ZBBX: variants seen among roughly 807,000 people sequenced by gnomAD.
ZBBX encodes the protein zinc finger B-box domain-containing protein 1.
ZBBX carries 101 observed loss-of-function variants against 108.5 expected under a neutral mutation model. The observed-to-expected ratio is 0.93, with a 90% CI of 0.79 to 1.10. The LOEUF (loss-of-function observed/expected upper bound fraction) is 1.10, where lower values mean the gene tolerates loss of function less well. ZBBX is among the 50% of genes least tolerant of loss of function. The pLI, the probability that ZBBX is intolerant of heterozygous loss-of-function variation, is 0.00. For synonymous variants in ZBBX, 356 were observed against 323.4 expected (o/e 1.10, Z -1.08); for missense variants, 1,009 against 941.4 (o/e 1.07, Z -0.94).
chr3:167,340,119 C>T (rs1740290800), intron 9 of ZBBX, among the ~76,000 whole-genome samples: 2 of 152,014 alleles, frequency 1.3e-5, no homozygotes, highest in Admixed American at 1.3e-4. Context: ...GATTATTTTG[C>T]CAGGATATTT....
At chr3:167,381,628 A>G (rs77653397), upstream of ZBBX, among the ~76,000 whole-genome samples, 2,856 of 152,166 alleles carry the variant, frequency 0.019, 98 homozygotes, top group African/African-American at 0.065. Context: ...TGCACAGACT[A>G]TTTCCCATAC....
At chr3:167,212,223 A>T in the ZBBX span, among the ~76,000 whole-genome samples, 1 of 152,152 alleles carries the variant, frequency 6.6e-6, no homozygotes, top group African/African-American at 2.4e-5. Context: ...GGTGGTCCCA[A>T]GCATACCACA....
At chr3:167,285,016 G>A (rs571349821) in intron 19 of ZBBX, among the ~76,000 whole-genome samples, 29 of 151,976 alleles carry the variant, frequency 1.9e-4, no homozygotes, top group Admixed American at 3.9e-4. Context: ...AGTTACTTTT[G>A]GAGTAACATG....
intron 18 of ZBBX, among the ~76,000 whole-genome samples, chr3:167,294,921 C>A (rs1306794893): frequency 6.6e-6 from 1 of 152,012 alleles, no homozygotes; most frequent in East Asian, 1.9e-4. Flanking sequence ...ATTTATGCAG[C>A]CAACAAACAA....
At chr3:167,297,682 A>T (rs1040809883) in intron 18 of ZBBX, among the ~76,000 whole-genome samples, 1 of 152,062 alleles carries the variant, frequency 6.6e-6, no homozygotes. Flanking sequence ...CTATAACTCA[A>T]CAATGAAAAA....
intron 1 of ZBBX, among the ~76,000 whole-genome samples, chr3:167,404,478 T>C (rs1388008421): frequency 6.6e-6 from 1 of 152,062 alleles, no homozygotes; most frequent in Non-Finnish European, 1.5e-5. Context: ...GAAGATTTTA[T>C]TTGGGTGATG....
chr3:167,265,928 C>G (rs1318889970), intron 20 of ZBBX, among the ~76,000 whole-genome samples: 2 of 152,220 alleles, frequency 1.3e-5, no homozygotes, highest in African/African-American at 4.8e-5. Context: ...CCAGAGAGCA[C>G]AGATTCTCTC....
At chr3:167,236,774 C>T (rs1182980848), downstream of ZBBX, among the ~76,000 whole-genome samples, 1 of 151,762 alleles carries the variant, frequency 6.6e-6, no homozygotes, top group Non-Finnish European at 1.5e-5. Flanking sequence ...CAATATGGAA[C>T]ATGATCTATA....
At chr3:167,330,871 G>GAAGAAGAAGAAGAAGAAGGAGAAGA (rs1553820669) in intron 10 of ZBBX, among the ~76,000 whole-genome samples, 1 of 43,916 alleles carries the variant, frequency 2.3e-5, no homozygotes, top group Non-Finnish European at 4.5e-5. Flanking sequence ...GGAGGAGGAG[G>GAAGAAGAAGAAGAAGAAGGAGAAGA]AGAAGAAGAA....
At chr3:167,178,646 T>C in the ZBBX span, among the ~76,000 whole-genome samples, 2 of 152,130 alleles carry the variant, frequency 1.3e-5, no homozygotes, top group Non-Finnish European at 2.9e-5. Flanking sequence ...TGGCTGCTGA[T>C]AAGGTCCTGG....
the ZBBX span, among the ~76,000 whole-genome samples, chr3:167,221,031 A>G: frequency 6.6e-6 from 1 of 151,932 alleles, no homozygotes; most frequent in Non-Finnish European, 1.5e-5. Context: ...CACAATGAAA[A>G]CTATAAAATA....
At chr3:167,264,813 C>A (rs73042089) in intron 20 of ZBBX, among the ~76,000 whole-genome samples, 1,962 of 152,348 alleles carry the variant, frequency 0.013, 47 homozygotes, top group African/African-American at 0.045. Context: ...TCCCACTCTT[C>A]TCTTCCCTTT....
chr3:167,313,867 G>A, intron 16 of ZBBX, 107 bp downstream of exon 16: 3 of 1,008,882 alleles, frequency 3.0e-6, no homozygotes, highest in Non-Finnish European at 4.1e-6. Context: ...TTAGTACTGA[G>A]GTTTTTTTGG....
At chr3:167,287,346 T>G (rs1729889474) in intron 19 of ZBBX, among the ~76,000 whole-genome samples, 1 of 152,114 alleles carries the variant, frequency 6.6e-6, no homozygotes, top group South Asian at 2.1e-4. Flanking sequence ...GTTGTTGTTG[T>G]TCAGAAAATA....
intron 19 of ZBBX, among the ~76,000 whole-genome samples, chr3:167,287,158 G>C (rs888318130): frequency 6.6e-6 from 1 of 151,868 alleles, no homozygotes; most frequent in Non-Finnish European, 1.5e-5. Context: ...TAGCTGATAG[G>C]ACATATTATC....
At chr3:167,233,060 G>A in the ZBBX span, among the ~76,000 whole-genome samples, 5 of 151,546 alleles carry the variant, frequency 3.3e-5, no homozygotes, top group African/African-American at 1.2e-4. Flanking sequence ...ACCTCCCTTT[G>A]AGTCCCTTCC....
intron 20 of ZBBX, among the ~76,000 whole-genome samples, chr3:167,267,914 C>T (rs959885974): frequency 2.6e-5 from 4 of 151,968 alleles, no homozygotes; most frequent in African/African-American, 9.7e-5. Flanking sequence ...TGCTGCTGCC[C>T]TGGATCCTGC....
chr3:167,298,154 T>C, intron 18 of ZBBX, 151 bp downstream of exon 18: 2 of 506,144 alleles, frequency 4.0e-6, no homozygotes, highest in Non-Finnish European at 6.4e-6. Context: ...CACATTCTGA[T>C]AGTAACCTTA....
At chr3:167,248,735 C>G (rs532469016) in intron 20 of ZBBX, 1 of 439,578 alleles carries the variant, frequency 2.3e-6, no homozygotes, top group African/African-American at 2.0e-5. Flanking sequence ...ACCAACTAAA[C>G]CCCCCACCTC....
Sources: gnomAD v4.1 joint callset for allele counts (sites outside exome capture counted in the v4.1 genomes callset) on GRCh38, gnomAD v4.1.1 for gene constraint, MANE v1.5 for transcripts, NCBI Gene and HGNC (gene_info 2026-07-23, HGNC 2026-07-21) for gene names.